Variants in ZMIZ1 observed in about 807,000 individuals in gnomAD.
ZMIZ1 encodes zinc finger MIZ-type containing 1.
In ZMIZ1, 17 loss-of-function variants were observed where a neutral mutation model predicts 113.9. The observed-to-expected ratio is 0.15, with a 90% CI of 0.10 to 0.22. The LOEUF is 0.22. Ranked by LOEUF, ZMIZ1 falls within the 10% of genes least tolerant of loss-of-function variation. ZMIZ1 has a pLI of 1.00. For synonymous variants in ZMIZ1, 607 were observed against 603.1 expected, an observed-to-expected ratio of 1.01 and a Z score of -0.09; for missense variants, 1,059 against 1,477.8, an observed-to-expected ratio of 0.72 and a Z score of 4.65.
intron 7 of ZMIZ1, among the ~76,000 whole-genome samples, chr10:79,236,126 C>T (rs1475423804): frequency 6.6e-6 from 1 of 152,212 alleles, no homozygotes; most frequent in Non-Finnish European, 1.5e-5. Flanking sequence ...ACGATGGGTC[C>T]GATGGTGGCT....
At chr10:79,137,823 G>A (rs994069967) in intron 2 of ZMIZ1, among the ~76,000 whole-genome samples, 4 of 142,004 alleles carry the variant, frequency 2.8e-5, no homozygotes, top group African/African-American at 9.2e-5. Context: ...ACGGGCCCTC[G>A]GCTGGGGGGG....
chr10:79,310,619 GGGCCTGGGGGAGCCCA>G (rs1409904613), intron 23 of ZMIZ1, among the ~76,000 whole-genome samples: 3 of 151,974 alleles, frequency 2.0e-5, no homozygotes, highest in Non-Finnish European at 4.4e-5. Context: ...GGAGGTGGAG[GGGCCTGGGGGAGCCCA>G]GGCCCAGCTC....
chr10:79,214,221 G>T (rs895825878), intron 6 of ZMIZ1, among the ~76,000 whole-genome samples: 1 of 152,220 alleles, frequency 6.6e-6, no homozygotes, highest in Admixed American at 6.5e-5. Context: ...TGGTGAGGAT[G>T]TCCCAGAGAC....
chr10:79,281,714 G>A (rs781012680), intron 8 of ZMIZ1, among the ~76,000 whole-genome samples: 1 of 152,370 alleles, frequency 6.6e-6, no homozygotes, highest in Middle Eastern at 3.4e-3. Context: ...CGTGGAGCGA[G>A]GCTTCCTCGT....
chr10:79,070,501 G>A lies in ZMIZ1; in HGVS notation c.-337+1231G>A, dbSNP rs564398252. Among the ~76,000 whole-genome samples the A allele has an allele frequency of 1.2e-4, 19 of 152,234 alleles. 1 individual carries two copies. In the South Asian group the frequency reaches 3.5e-3, roughly 28 times the overall value. On this transcript the variant is annotated intron_variant, in intron 1 of 24. Transcript: ENST00000334512. Reference sequence around the variant, plus strand: ...AGGAATGTAAACAACCCGGGCGGGAGGGCGGGCGGACGGGAGCGCGCCAGG... The same window carrying A: ...AGGAATGTAAACAACCCGGGCGGGAAGGCGGGCGGACGGGAGCGCGCCAGG...
At chr10:79,073,908 A>G (rs1382099347) in intron 1 of ZMIZ1, among the ~76,000 whole-genome samples, 2 of 152,174 alleles carry the variant, frequency 1.3e-5, no homozygotes, top group African/African-American at 4.8e-5. Context: ...GTGTCCTGGG[A>G]GAGACCAGAA....
intron 7 of ZMIZ1, among the ~76,000 whole-genome samples, chr10:79,224,623 G>A (rs1263573013): frequency 6.6e-6 from 1 of 152,204 alleles, no homozygotes; most frequent in African/African-American, 2.4e-5. Flanking sequence ...TCTGTCACCA[G>A]GGCCCTCAGC....
chr10:79,263,086 A>G (rs1851367837), intron 7 of ZMIZ1, among the ~76,000 whole-genome samples: 1 of 152,274 alleles, frequency 6.6e-6, no homozygotes. Flanking sequence ...CATCTCCCAT[A>G]GCACAGGGTC....
intron 3 of ZMIZ1, among the ~76,000 whole-genome samples, chr10:79,151,965 A>G (rs965616819): frequency 6.6e-6 from 1 of 151,984 alleles, no homozygotes; most frequent in Admixed American, 6.5e-5. Flanking sequence ...GCCCGCCGCC[A>G]TCTGGGCCCC....
chr10:79,211,502 G>T (rs906154223), intron 6 of ZMIZ1, among the ~76,000 whole-genome samples: 3 of 152,198 alleles, frequency 2.0e-5, no homozygotes, highest in Non-Finnish European at 4.4e-5. Context: ...AATCCCCGGG[G>T]TGACCTCTGG....
At position 79,137,585 on chromosome 10, in the gene ZMIZ1, G is replaced by A. The variant is rs545706990; in HGVS notation, c.-226-2097G>A. Among the ~76,000 whole-genome samples, 10 of 152,330 alleles carry A rather than the reference G, an allele frequency of 6.6e-5. No homozygotes were observed. In the South Asian group the frequency reaches 2.1e-3, roughly 32 times the overall value. ...AGTTGGAACAGTCACCCCTACAGTG[G>A]TCGTTGAGTGGCTGGCTGTGCACCA... On this transcript the variant is annotated intron_variant, in intron 2 of 24. Coordinates refer to ENST00000334512, the MANE Select transcript of ZMIZ1 (RefSeq NM_020338.4).
chr10:79,165,966 G>GCGCGCGCA (rs56067312), intron 4 of ZMIZ1, among the ~76,000 whole-genome samples: 14 of 146,458 alleles, frequency 9.6e-5, no homozygotes, highest in Admixed American at 1.3e-4. Flanking sequence ...GTGTGTGTGT[G>GCGCGCGCA]TGTGTGTGTG....
chr10:79,176,698 GGGA>G (rs1846884524), intron 4 of ZMIZ1, among the ~76,000 whole-genome samples: 1 of 150,094 alleles, frequency 6.7e-6, no homozygotes, highest in Non-Finnish European at 1.5e-5. Context: ...GATCTAGACT[GGGA>G]GAGGTGTGCA....
rs561580517 is a variant in ZMIZ1 at position 79,273,411 on chromosome 10, G to A, written c.281-3770G>A. 2.6e-5 allele frequency among the ~76,000 whole-genome samples: 4 copies of A among 152,166 alleles called. No individual in the cohort carries two copies. In the South Asian group the frequency reaches 8.3e-4, roughly 32 times the overall value. On this transcript the variant is annotated intron_variant, in intron 7 of 24. Coordinates refer to ENST00000334512, the MANE Select transcript of ZMIZ1 (RefSeq NM_020338.4). ...GAGTCTTGCTGTGTTGCCCAGGCTGGAGGGCAGTGACGCGATCTCAGATCA... is the reference window on the plus strand; with the variant it reads ...GAGTCTTGCTGTGTTGCCCAGGCTGAAGGGCAGTGACGCGATCTCAGATCA...
At chr10:79,175,462 G>GGAGGTGTGCAGTGGA (rs1338932758) in intron 4 of ZMIZ1, among the ~76,000 whole-genome samples, 1 of 152,130 alleles carries the variant, frequency 6.6e-6, no homozygotes, top group Non-Finnish European at 1.5e-5. Context: ...CCGATCAGCT[G>GGAGGTGTGCAGTGGA]GGTTGTACCA....
chr10:79,292,475 C>T, intron 11 of ZMIZ1, 119 bp downstream of exon 11: 1 of 1,324,508 alleles, frequency 7.5e-7, no homozygotes, highest in Non-Finnish European at 1.0e-6. Flanking sequence ...GAGCTGACTG[C>T]ATTAGGGTGC....
In ZMIZ1 at chr10:79,254,792, C is replaced by T. The variant is rs137936396; in HGVS notation, c.281-22389C>T. 1.5e-3 allele frequency among the ~76,000 whole-genome samples: 234 copies of T among 152,232 alleles called. 3 individuals carry two copies. In the East Asian group the frequency reaches 0.042, roughly 27 times the overall value. On this transcript the variant is annotated intron_variant, in intron 7 of 24. Transcript: ENST00000334512. ...GGGTGCCAGGCAATGCAGGGAGAGC[C>T]GACTGAGTGAGGGACCTCGGCCTTG...
chr10:79,131,444 C>T (rs921052169), intron 2 of ZMIZ1, among the ~76,000 whole-genome samples: 5 of 152,074 alleles, frequency 3.3e-5, no homozygotes, highest in Admixed American at 1.3e-4. Context: ...TTGTTTGCCT[C>T]GGTCCCTTCC....
intron 7 of ZMIZ1, among the ~76,000 whole-genome samples, chr10:79,257,255 G>C (rs1328858871): frequency 2.0e-5 from 3 of 152,250 alleles, no homozygotes; most frequent in Non-Finnish European, 4.4e-5. Flanking sequence ...CCTGGTGACA[G>C]CAGCTGGTCT....
Sources: gnomAD v4.1 joint callset for allele counts (sites outside exome capture counted in the v4.1 genomes callset) on GRCh38, gnomAD v4.1.1 for gene constraint, MANE v1.5 for transcripts, NCBI Gene and HGNC (gene_info 2026-07-23, HGNC 2026-07-21) for gene names.